Variants in RELL1 observed in about 807,000 individuals in gnomAD.
RELL1 encodes RELT like 1.
In RELL1, 10 loss-of-function variants were observed where a neutral mutation model predicts 23.0. The ratio of observed to expected loss-of-function variants is 0.43; its 90% CI spans 0.27 to 0.74. The LOEUF is 0.74. Ranked by LOEUF, RELL1 falls within the 30% of genes least tolerant of loss-of-function variation. The pLI is 0.19. For missense variants in RELL1, 315 were observed against 364.4 expected (o/e 0.86, Z 1.10); for synonymous variants, 146 against 146.8 (o/e 0.99, Z 0.04).
intron 6 of RELL1, among the ~76,000 whole-genome samples, chr4:37,619,201 TAGA>T (rs374503666): frequency 2.8e-5 from 4 of 142,698 alleles, no homozygotes; most frequent in African/African-American, 1.1e-4. Flanking sequence ...TTTTTTTTTT[TAGA>T]AGGAGCCTCG....
At chr4:37,657,701 G>A (rs750066712) in intron 1 of RELL1, among the ~76,000 whole-genome samples, 24 of 152,060 alleles carry the variant, frequency 1.6e-4, no homozygotes, top group Non-Finnish European at 2.1e-4. Flanking sequence ...TTTTGGGAGG[G>A]CAAGGTGAGA....
chr4:37,625,816 A>C (rs528135646), intron 6 of RELL1, among the ~76,000 whole-genome samples: 4 of 152,336 alleles, frequency 2.6e-5, no homozygotes, highest in African/African-American at 9.6e-5. Flanking sequence ...AATCAGCTCA[A>C]TTTAGCCATT....
At chr4:37,613,614 C>A (rs1388670808) in intron 6 of RELL1, among the ~76,000 whole-genome samples, 1 of 152,102 alleles carries the variant, frequency 6.6e-6, no homozygotes, top group Non-Finnish European at 1.5e-5. Flanking sequence ...CTTGCTCCTG[C>A]TTTTCCCATG....
chr4:37,630,521 C>A (rs2109256965), intron 6 of RELL1, among the ~76,000 whole-genome samples: 1 of 151,944 alleles, frequency 6.6e-6, no homozygotes, highest in Admixed American at 6.6e-5. Flanking sequence ...CCCACCACTA[C>A]GCCCGGCTAC....
intron 1 of RELL1, among the ~76,000 whole-genome samples, chr4:37,655,419 C>T (rs189769160): frequency 4.5e-4 from 68 of 152,206 alleles, no homozygotes; most frequent in African/African-American, 1.6e-3. Context: ...GGACCCCAGT[C>T]CCATATGATT....
intron 3 of RELL1, among the ~76,000 whole-genome samples, chr4:37,645,880 G>A (rs982538156): frequency 2.0e-5 from 3 of 152,204 alleles, no homozygotes; most frequent in East Asian, 1.9e-4. Flanking sequence ...GTCAAAAACC[G>A]TTGAAGAGAG....
intron 6 of RELL1, among the ~76,000 whole-genome samples, chr4:37,616,203 G>A (rs969776746): frequency 8.5e-5 from 13 of 152,236 alleles, no homozygotes; most frequent in Admixed American, 5.2e-4. Context: ...CAATCTTCCC[G>A]ATGACTCCAT....
At chr4:37,603,309 C>T (rs1375283211) in intron 6 of RELL1, among the ~76,000 whole-genome samples, 1 of 152,168 alleles carries the variant, frequency 6.6e-6, no homozygotes, top group African/African-American at 2.4e-5. Context: ...GAAGTCCCAG[C>T]TGTCCTTTAG....
intron 6 of RELL1, among the ~76,000 whole-genome samples, chr4:37,603,225 A>G (rs1719063267): frequency 1.3e-5 from 2 of 152,210 alleles, no homozygotes; most frequent in African/African-American, 4.8e-5. Flanking sequence ...GAGGACCTGC[A>G]GAGCTGGACA....
chr4:37,626,540 C>T (rs1018539122), intron 6 of RELL1, among the ~76,000 whole-genome samples: 2 of 152,106 alleles, frequency 1.3e-5, no homozygotes, highest in African/African-American at 4.8e-5. Flanking sequence ...CTTCTCAGTA[C>T]ATATCCAGAG....
Position 37,595,097 on chromosome 4 carries a change from A to G in RELL1, c.*4-3880T>C, listed in dbSNP as rs1028980093. 1.1e-4 allele frequency among the ~76,000 whole-genome samples: 16 copies of G among 152,300 alleles called. 1 individual carries two copies. The highest frequency in any genetic ancestry group is 1.0e-3 in the South Asian group (5 of 4,830). ...TAGATTAAACCTCATGCATTTTTAA[A>G]TCCTCTATTTTGGAGTTGGTGACAA... On this transcript the variant is annotated intron_variant, in intron 6 of 6. Transcript: ENST00000314117.
At chr4:37,604,467 G>A (rs1399402623) in intron 6 of RELL1, among the ~76,000 whole-genome samples, 1 of 152,084 alleles carries the variant, frequency 6.6e-6, no homozygotes, top group Admixed American at 6.6e-5. Flanking sequence ...CACTTCCTCA[G>A]CATAAGCTGT....
chr4:37,635,218 G>GA, intron 4 of RELL1, 95 bp from the exon 5 acceptor site: 3 of 988,380 alleles, frequency 3.0e-6, no homozygotes, highest in Non-Finnish European at 3.0e-6. Flanking sequence ...AGTTTAAATT[G>GA]AAAGAAAAAA....
chr4:37,622,760 C>A (rs1577570373), intron 6 of RELL1: 1 of 449,960 alleles, frequency 2.2e-6, no homozygotes, highest in Non-Finnish European at 4.4e-6. Context: ...TCCCTAAACA[C>A]AGCAAACTGC....
chr4:37,648,911 T>C (rs1223887976), intron 2 of RELL1, among the ~76,000 whole-genome samples: 1 of 152,206 alleles, frequency 6.6e-6, no homozygotes, highest in Non-Finnish European at 1.5e-5. Flanking sequence ...CCTCTAAATT[T>C]CACAGAAACC....
At chr4:37,637,589 C>T (rs1720377262) in intron 4 of RELL1, among the ~76,000 whole-genome samples, 1 of 152,204 alleles carries the variant, frequency 6.6e-6, no homozygotes, top group African/African-American at 2.4e-5. Context: ...CCCCCAGAGC[C>T]TTCAGTCTCC....
In RELL1 at chr4:37,612,581, GA is replaced by G. The variant is rs1470377180; in HGVS notation, c.*764del. ...AACCTGGGGAGGTGGAGATTGAGGT[GA>G]GTGGAGATTGTGCCACTGCACTCCA... On this transcript the variant is annotated 3_prime_UTR_variant, in exon 7 of 7. Coordinates refer to ENST00000454158, the MANE Select transcript of RELL1 (RefSeq NM_001085400.2). Among the ~76,000 whole-genome samples the G allele has an allele frequency of 6.7e-6, 1 of 149,844 alleles. No homozygotes were observed. The highest frequency in any genetic ancestry group is 1.5e-5 in the Non-Finnish European group (1 of 67,782).
chr4:37,647,870 C>A (rs1410828754), intron 2 of RELL1, among the ~76,000 whole-genome samples: 1 of 152,160 alleles, frequency 6.6e-6, no homozygotes, highest in Non-Finnish European at 1.5e-5. Flanking sequence ...GATCATAATT[C>A]TTCCATGTTC....
At chr4:37,661,929 G>T (rs965371110) in intron 1 of RELL1, among the ~76,000 whole-genome samples, 1 of 152,036 alleles carries the variant, frequency 6.6e-6, no homozygotes, top group African/African-American at 2.4e-5. Context: ...ACCTTTCCCC[G>T]AAAAGGCAGC....
Sources: gnomAD v4.1 joint callset for allele counts (sites outside exome capture counted in the v4.1 genomes callset) on GRCh38, gnomAD v4.1.1 for gene constraint, MANE v1.5 for transcripts, NCBI Gene and HGNC (gene_info 2026-07-23, HGNC 2026-07-21) for gene names.